The following PIWIL1 variants were observed in gnomAD, a reference collection of about 807,000 sequenced individuals.
PIWIL1 encodes piwi like RNA-mediated gene silencing 1, also known as piwi-like protein 1.
In PIWIL1, 73 loss-of-function variants were observed where a neutral mutation model predicts 114.4. The ratio of observed to expected loss-of-function variants is 0.64; its 90% CI spans 0.53 to 0.78. The LOEUF (loss-of-function observed/expected upper bound fraction) is 0.78, where lower values mean the gene tolerates loss of function less well. Among genes scored for constraint, PIWIL1 ranks in the 30% least tolerant of loss-of-function variants. PIWIL1 has a pLI of 0.00. For synonymous variants in PIWIL1, 375 were observed against 369.0 expected (o/e 1.02, Z -0.19); for missense variants, 723 against 1,063.1 (o/e 0.68, Z 4.45).
chr12:130,348,625 G>A (rs752779577), intron 7 of PIWIL1, among the ~76,000 whole-genome samples: 36 of 152,234 alleles, frequency 2.4e-4, no homozygotes, highest in Non-Finnish European at 3.8e-4. Flanking sequence ...ATAAAAGGCC[G>A]GGCGTGGTGG....
chr12:130,389,148 G>A, the PIWIL1 span, among the ~76,000 whole-genome samples: 1 of 152,008 alleles, frequency 6.6e-6, no homozygotes, highest in African/African-American at 2.4e-5. Flanking sequence ...TTGCATTCCT[G>A]AGATAAACTA....
At chr12:130,357,778 AAAAC>A (rs2073403986) in intron 14 of PIWIL1, among the ~76,000 whole-genome samples, 1 of 152,208 alleles carries the variant, frequency 6.6e-6, no homozygotes, top group African/African-American at 2.4e-5. Flanking sequence ...GGGGTGGAGA[AAAAC>A]AAAGCCATCT....
chr12:130,406,281 A>G, the PIWIL1 span: 1 of 1,374,786 alleles, frequency 7.3e-7, no homozygotes, highest in Admixed American at 1.8e-5. Context: ...GTATTTTTCT[A>G]CACAACAGTA....
At position 130,345,607 on chromosome 12, in the gene PIWIL1, C is replaced by G. The variant is rs757414913; in HGVS notation, c.191-146C>G. 1.8e-4 allele frequency: 139 copies of G among 793,606 alleles called. No individual in the cohort carries two copies. In the Middle Eastern group the frequency reaches 3.2e-3, roughly 18 times the overall value. The allele number at this position is 793,606 out of a possible 1,614,324, so 49.2% of individuals were successfully genotyped here. On this transcript the variant is annotated intron_variant, in intron 3 of 20. Transcript: ENST00000245255. ...CATTCTCTCGTTAGGCTGGCAGATA[C>G]CTAAAACATGTTGATAGGATTGTTT...
At chr12:130,400,340 C>T in the PIWIL1 span, among the ~76,000 whole-genome samples, 1 of 152,204 alleles carries the variant, frequency 6.6e-6, no homozygotes, top group African/African-American at 2.4e-5. Flanking sequence ...AACATTCAAA[C>T]AATATGGAGA....
chr12:130,343,770 C>T (rs1029823982), intron 3 of PIWIL1, among the ~76,000 whole-genome samples: 5 of 151,902 alleles, frequency 3.3e-5, no homozygotes, highest in African/African-American at 9.7e-5. Context: ...GGACTACAGG[C>T]GCCCACCACT....
chr12:130,367,860 T>C (rs6486535), intron 19 of PIWIL1, among the ~76,000 whole-genome samples: 17,722 of 152,144 alleles, frequency 0.12, 2,554 homozygotes, highest in African/African-American at 0.35. Context: ...TGCAGTAGCA[T>C]AATCTCGGCT....
chr12:130,361,707 T>G, intron 16 of PIWIL1, 106 bp downstream of exon 16: 2 of 839,622 alleles, frequency 2.4e-6, no homozygotes. Context: ...AGTTTCTCAA[T>G]CATATACAGC....
chr12:130,396,873 C>CTGTT, the PIWIL1 span: 1 of 152,584 alleles, frequency 6.6e-6, no homozygotes, highest in South Asian at 2.1e-4. Context: ...AAAGTATACA[C>CTGTT]TGTTTTTATT....
chr12:130,424,148 G>T, the PIWIL1 span: 1 of 1,228,944 alleles, frequency 8.1e-7, no homozygotes, highest in Non-Finnish European at 1.0e-6. This position sits in a 1 kb window ranked among gnomAD's most constrained non-coding sequence, Gnocchi z 9.8. Flanking sequence ...ACACCAGGGG[G>T]CCTTGTGCGA....
intron 8 of PIWIL1, 134 bp from the exon 9 acceptor site, chr12:130,349,722 G>T: frequency 1.6e-6 from 1 of 608,802 alleles, no homozygotes; most frequent in Non-Finnish European, 2.9e-6. Context: ...AAGAAACCCT[G>T]TTCCTTCTTT....
At chr12:130,343,184 A>G (rs897183059) in intron 3 of PIWIL1, 83 bp downstream of exon 3, 1 of 886,004 alleles carries the variant, frequency 1.1e-6, no homozygotes, top group African/African-American at 1.7e-5. Flanking sequence ...TGGTACAAAA[A>G]TTTGTGCTGA....
At chr12:130,383,210 A>C in the PIWIL1 span, among the ~76,000 whole-genome samples, 5 of 152,300 alleles carry the variant, frequency 3.3e-5, no homozygotes, top group East Asian at 9.7e-4. Flanking sequence ...GCGTTCCACC[A>C]GGAGGATATG....
intron 9 of PIWIL1, among the ~76,000 whole-genome samples, chr12:130,350,227 A>G (rs754447764): frequency 6.6e-6 from 1 of 152,210 alleles, no homozygotes; most frequent in Non-Finnish European, 1.5e-5. Flanking sequence ...ATTGAAGCCT[A>G]TGGAGGACAA....
intron 7 of PIWIL1, among the ~76,000 whole-genome samples, chr12:130,348,793 C>G (rs755731297): frequency 6.6e-6 from 1 of 151,940 alleles, no homozygotes; most frequent in Admixed American, 6.6e-5. Context: ...CCCAGCTACT[C>G]GGGAGGCTGA....
the PIWIL1 span, among the ~76,000 whole-genome samples, chr12:130,378,760 T>A: frequency 6.6e-6 from 1 of 152,262 alleles, no homozygotes; most frequent in Non-Finnish European, 1.5e-5. Context: ...TTCTTACATC[T>A]TCTTTTATGA....
chr12:130,417,131 T>C, the PIWIL1 span, among the ~76,000 whole-genome samples: 51 of 152,266 alleles, frequency 3.3e-4, no homozygotes, highest in African/African-American at 1.2e-3. Flanking sequence ...TAAAAATGTA[T>C]ATACCATTGG....
At chr12:130,373,362 G>A (rs187014040), downstream of PIWIL1, among the ~76,000 whole-genome samples, 71 of 152,292 alleles carry the variant, frequency 4.7e-4, no homozygotes, top group East Asian at 0.013. Flanking sequence ...TCTCAGCTCT[G>A]CCTCAAAGTG....
At chr12:130,425,116 T>C in the PIWIL1 span, 78 of 354,630 alleles carry the variant, frequency 2.2e-4, no homozygotes, top group Admixed American at 5.2e-4. Context: ...GCCAGCGCCA[T>C]GCATCCAGCC....
Sources: gnomAD v4.1 joint callset for allele counts (sites outside exome capture counted in the v4.1 genomes callset) on GRCh38, gnomAD v4.1.1 for gene constraint, Gnocchi (gnomAD v3.1) non-coding constraint, MANE v1.5 for transcripts, NCBI Gene and HGNC (gene_info 2026-07-23, HGNC 2026-07-21) for gene names.